DPP6: variants seen among roughly 807,000 people sequenced by gnomAD.
DPP6 encodes A-type potassium channel modulatory protein DPP6.
Under a neutral mutation model 122.6 loss-of-function variants are expected in DPP6, and 69 were observed. The ratio of observed to expected loss-of-function variants is 0.56; its 90% confidence interval spans 0.46 to 0.69. DPP6 has a LOEUF of 0.69. Ranked by LOEUF, DPP6 falls within the 30% of genes least tolerant of loss-of-function variation. DPP6 has a pLI of 0.00. For synonymous variants in DPP6, 418 were observed against 433.1 expected (o/e 0.97, Z 0.43); for missense variants, 928 against 1,116.9 (o/e 0.83, Z 2.41).
intron 1 of DPP6, among the ~76,000 whole-genome samples, chr7:154,322,704 G>T (rs75968777): frequency 6.6e-6 from 1 of 152,122 alleles, no homozygotes; most frequent in Admixed American, 6.5e-5. Context: ...AGGTGTACTC[G>T]GGAAGATAGT....
intron 1 of DPP6, among the ~76,000 whole-genome samples, chr7:154,084,997 A>AAAAC (rs1804288112): frequency 6.6e-6 from 1 of 151,544 alleles, no homozygotes; most frequent in Non-Finnish European, 1.5e-5. Context: ...CTCAAAAAAA[A>AAAAC]AAAAAAAAAA....
intron 1 of DPP6, among the ~76,000 whole-genome samples, chr7:154,263,930 A>T (rs1475503127): frequency 1.3e-5 from 2 of 152,048 alleles, no homozygotes; most frequent in Non-Finnish European, 2.9e-5. Flanking sequence ...ACCTCAGGTA[A>T]TCCACCTGCC....
At chr7:154,771,880 G>T (rs934522229) in intron 9 of DPP6, among the ~76,000 whole-genome samples, 3 of 152,204 alleles carry the variant, frequency 2.0e-5, no homozygotes, top group East Asian at 1.9e-4. Context: ...TGGGACTGAT[G>T]CTAGTTCCTT....
intron 1 of DPP6, among the ~76,000 whole-genome samples, chr7:153,981,750 T>C (rs1429920819): frequency 1.4e-4 from 22 of 152,316 alleles, no homozygotes; most frequent in East Asian, 7.7e-4. Flanking sequence ...GGTGACAAAA[T>C]CTCTCAGCAT....
At position 154,803,938 on chromosome 7, in the gene DPP6, T is replaced by A; in HGVS notation, c.1482T>A (p.Asp494Glu). 3 of 1,613,728 alleles carry A rather than the reference T, an allele frequency of 1.9e-6. No homozygotes were observed. Among genetic ancestry groups the A allele is most frequent in the Non-Finnish European group, 1.7e-6 (2 of 1,179,792 alleles). Reference sequence around the variant, plus strand: ...ACGTGACCAAGATCCTAGCCTACGATGAGAAGGGGAATAAGATGTGAGTGA... The same window carrying A: ...ACGTGACCAAGATCCTAGCCTACGAAGAGAAGGGGAATAAGATGTGAGTGA... ...DWDVTKILAY[D>E]EKGNKIYFLS... The change falls in exon 14 of 26, where the codon GAT becomes GAA. Residue 494 changes from aspartate to glutamate, a missense_variant. Coordinates refer to ENST00000377770, the MANE Select transcript of DPP6 (RefSeq NM_130797.4).
chr7:154,467,075 A>T (rs117364344), intron 2 of DPP6, among the ~76,000 whole-genome samples: 81 of 152,282 alleles, frequency 5.3e-4, no homozygotes, highest in Non-Finnish European at 1.0e-3. Context: ...TCAAAAAGGG[A>T]GAAAAAGGAG....
chr7:154,753,025 G>A (rs994220089), intron 8 of DPP6, among the ~76,000 whole-genome samples: 22 of 152,100 alleles, frequency 1.4e-4, no homozygotes, highest in East Asian at 1.2e-3. Context: ...AGCTCTGGCC[G>A]CAGAGGGATT....
chr7:153,800,224 T>G, the DPP6 span, among the ~76,000 whole-genome samples: 2 of 152,076 alleles, frequency 1.3e-5, no homozygotes, highest in Non-Finnish European at 2.9e-5. Context: ...ATACACACAA[T>G]GGAATACTAG....
intron 2 of DPP6, among the ~76,000 whole-genome samples, chr7:154,462,040 T>C (rs572646897): frequency 2.0e-5 from 3 of 152,284 alleles, no homozygotes. Context: ...TTTTTGTATA[T>C]GGTGAGAGGG....
chr7:154,488,383 G>A (rs903032494), intron 3 of DPP6, among the ~76,000 whole-genome samples: 7 of 151,704 alleles, frequency 4.6e-5, no homozygotes, highest in East Asian at 1.9e-4. Flanking sequence ...CCAGCTACTC[G>A]GGAGGCAGTG....
At chr7:153,839,138 G>A in the DPP6 span, among the ~76,000 whole-genome samples, 14 of 152,148 alleles carry the variant, frequency 9.2e-5, no homozygotes, top group Admixed American at 3.3e-4. Context: ...AATGTGAACC[G>A]TGGCATGTGT....
chr7:154,685,613 C>T (rs1216759509), intron 7 of DPP6, among the ~76,000 whole-genome samples: 20 of 152,152 alleles, frequency 1.3e-4, no homozygotes, highest in African/African-American at 4.8e-4. Context: ...TATAGAATCT[C>T]TTAGATTATA....
intron 12 of DPP6, among the ~76,000 whole-genome samples, chr7:154,798,694 A>G (rs73169011): frequency 0.068 from 10,404 of 152,312 alleles, 503 homozygotes; most frequent in Non-Finnish European, 0.11. Flanking sequence ...GATGTCTCTG[A>G]AGACCCTACA....
chr7:154,187,327 G>A (rs1798398385), intron 1 of DPP6, among the ~76,000 whole-genome samples: 1 of 152,186 alleles, frequency 6.6e-6, no homozygotes, highest in Admixed American at 6.5e-5. Context: ...CATTCTACTT[G>A]CTGTGGCTGG....
intron 8 of DPP6, among the ~76,000 whole-genome samples, chr7:154,745,899 C>A (rs1370436708): frequency 6.6e-6 from 1 of 151,804 alleles, no homozygotes; most frequent in Admixed American, 6.6e-5. Flanking sequence ...ATGACCCACA[C>A]ACCTCCCACT....
chr7:153,762,194 T>C, the DPP6 span, among the ~76,000 whole-genome samples: 1 of 152,220 alleles, frequency 6.6e-6, no homozygotes, highest in Non-Finnish European at 1.5e-5. Context: ...TCTGTTAATT[T>C]GTATTTGTAA....
At chr7:154,234,926 A>G (rs377410650) in intron 1 of DPP6, among the ~76,000 whole-genome samples, 1 of 152,098 alleles carries the variant, frequency 6.6e-6, no homozygotes, top group East Asian at 1.9e-4. Flanking sequence ...GCCTCCCTTC[A>G]GCCCCTCTTC....
chr7:154,433,579 G>A (rs554363313), intron 1 of DPP6, among the ~76,000 whole-genome samples: 10 of 152,110 alleles, frequency 6.6e-5, no homozygotes, highest in South Asian at 2.1e-4. Flanking sequence ...TGCATTTGAC[G>A]TGCACACCCG....
intron 1 of DPP6, among the ~76,000 whole-genome samples, chr7:153,952,152 T>A (rs1386207355): frequency 6.6e-6 from 1 of 152,252 alleles, no homozygotes. Context: ...AATGTAGACC[T>A]CTTAAATACA....
Sources: allele counts gnomAD v4.1 joint callset (sites outside exome capture counted in the v4.1 genomes callset), GRCh38; gene constraint gnomAD v4.1.1; transcripts MANE v1.5; gene names NCBI Gene and HGNC (gene_info 2026-07-23, HGNC 2026-07-21).